MAMDC2: variants seen among roughly 807,000 people sequenced by gnomAD.
The protein encoded by MAMDC2 is MAM domain containing 2, also known as MAM domain-containing protein 2.
MAMDC2 carries 57 observed loss-of-function variants against 89.8 expected under a neutral mutation model. That is an observed-to-expected ratio of 0.63 (90% confidence interval 0.51 to 0.79). The LOEUF (loss-of-function observed/expected upper bound fraction) is 0.79, where lower values mean the gene tolerates loss of function less well. MAMDC2 is among the 30% of genes least tolerant of loss of function. The pLI is 0.00. For synonymous variants in MAMDC2, 313 were observed against 293.4 expected, an observed-to-expected ratio of 1.07 and a Z score of -0.68; for missense variants, 800 against 820.6, an observed-to-expected ratio of 0.97 and a Z score of 0.31.
chr9:70,096,461 G>A (rs368805488), intron 2 of MAMDC2, among the ~76,000 whole-genome samples: 1 of 152,220 alleles, frequency 6.6e-6, no homozygotes, highest in Non-Finnish European at 1.5e-5. Context: ...GGAAAGGAGA[G>A]GACAAAAGAA....
At chr9:70,117,520 T>C (rs1162382744) in intron 5 of MAMDC2, among the ~76,000 whole-genome samples, 1 of 152,088 alleles carries the variant, frequency 6.6e-6, no homozygotes. Flanking sequence ...GATGGGTTGA[T>C]GGGTGCAGCA....
intron 11 of MAMDC2, among the ~76,000 whole-genome samples, chr9:70,192,603 A>G (rs1001409067): frequency 6.6e-6 from 1 of 152,136 alleles, no homozygotes; most frequent in East Asian, 1.9e-4. Context: ...CTAAGAGACC[A>G]TGGAATTTTC....
chr9:70,210,475 C>T (rs1024526388), intron 11 of MAMDC2, among the ~76,000 whole-genome samples: 2 of 152,034 alleles, frequency 1.3e-5, no homozygotes, highest in African/African-American at 4.8e-5. Flanking sequence ...TTCTTGTTTT[C>T]CATTTGCTTG....
chr9:70,150,735 C>T (rs548203367), intron 9 of MAMDC2, among the ~76,000 whole-genome samples: 1 of 152,316 alleles, frequency 6.6e-6, no homozygotes, highest in South Asian at 2.1e-4. Context: ...ATGTCTACTT[C>T]TCTCTCTCCA....
chr9:70,213,143 A>C (rs1377367528), intron 11 of MAMDC2, among the ~76,000 whole-genome samples: 1 of 152,210 alleles, frequency 6.6e-6, no homozygotes, highest in Non-Finnish European at 1.5e-5. Flanking sequence ...TACCAGTAGG[A>C]ATGCACAGCC....
At chr9:70,130,039 TGTGTGTGAGA>T (rs1563967368) in intron 6 of MAMDC2, among the ~76,000 whole-genome samples, 1 of 151,488 alleles carries the variant, frequency 6.6e-6, no homozygotes, top group East Asian at 1.9e-4. Context: ...TGTGTGTGTG[TGTGTGTGAGA>T]GTGTCTGCAT....
intron 2 of MAMDC2, among the ~76,000 whole-genome samples, chr9:70,061,201 C>T (rs1827142817): frequency 6.6e-6 from 1 of 152,190 alleles, no homozygotes; most frequent in African/African-American, 2.4e-5. Flanking sequence ...TGGGCCCCTA[C>T]AATTTTTGCA....
intron 2 of MAMDC2, among the ~76,000 whole-genome samples, chr9:70,103,319 A>G (rs1162947308): frequency 6.6e-6 from 1 of 152,198 alleles, no homozygotes; most frequent in African/African-American, 2.4e-5. Context: ...CGGAGGTCTC[A>G]TACTTCCCAA....
Position 70,226,404 on chromosome 9 carries a change from G to C in MAMDC2, c.*372G>C, listed in dbSNP as rs1195200409. ...ATGTATTGGGAGAAAAATAGGTCTT[G>C]CAGGTTTCCTTTTGAATTTTAAGTA... On this transcript the variant is annotated 3_prime_UTR_variant, in exon 14 of 14. Transcript: ENST00000377182. 1 of 154,970 alleles carries C rather than the reference G, an allele frequency of 6.5e-6. No individual in the cohort carries two copies. Among genetic ancestry groups the C allele is most frequent in the Non-Finnish European group, 1.4e-5 (1 of 69,656 alleles). The allele number at this position is 154,970 out of a possible 1,614,324, so 9.6% of individuals were successfully genotyped here.
chr9:70,221,112 T>C (rs1219244258), intron 12 of MAMDC2, among the ~76,000 whole-genome samples: 3 of 151,602 alleles, frequency 2.0e-5, no homozygotes, highest in Non-Finnish European at 4.4e-5. Context: ...TTTACTATTC[T>C]AGGTGCTGAA....
chr9:70,113,014 T>A lies in MAMDC2; in HGVS notation c.525T>A (p.Asn175Lys), dbSNP rs1247286787. The part of the protein sequence containing the change: ...GYCIECDFEE[N>K]HLCGFVNRWN... ...CCCCAGAATGTGACTTTGAAGAAAA[T>A]CATCTCTGTGGCTTTGTGAACCGCT... Residue 175 changes from asparagine (N) to lysine (K), a missense_variant, in exon 5 of 14, where the codon AAT becomes AAA. Coordinates refer to ENST00000377182, the MANE Select transcript of MAMDC2 (RefSeq NM_153267.5). 1.2e-6 allele frequency: 2 copies of A among 1,613,966 alleles called. No individual in the cohort carries two copies. Among genetic ancestry groups the A allele is most frequent in the Admixed American group, 3.3e-5 (2 of 60,002 alleles).
intron 2 of MAMDC2, among the ~76,000 whole-genome samples, chr9:70,089,715 T>C (rs1020558176): frequency 1.3e-5 from 2 of 152,196 alleles, no homozygotes; most frequent in Non-Finnish European, 2.9e-5. Context: ...AGGCTAGCTT[T>C]AGGTCCAAAT....
In MAMDC2 at chr9:70,224,844, C is replaced by T. The variant is rs149242630; in HGVS notation, c.1912-906C>T. ...ATTTTTATTAAGAGTATTTTGCCACCAGTCTGTCACTGAAGCATCTTTGAA... is the reference window on the plus strand; with the variant it reads ...ATTTTTATTAAGAGTATTTTGCCACTAGTCTGTCACTGAAGCATCTTTGAA... On this transcript the variant is annotated intron_variant, in intron 12 of 13. Transcript: ENST00000377182. Among the ~76,000 whole-genome samples the T allele has an allele frequency of 3.5e-3, 527 of 152,322 alleles. 1 individual carries two copies. Among genetic ancestry groups the T allele is most frequent in the Non-Finnish European group, 5.7e-3 (390 of 68,030 alleles).
chr9:70,121,718 A>C (rs201815230), intron 5 of MAMDC2, among the ~76,000 whole-genome samples: 25 of 4,876 alleles, frequency 5.1e-3, no homozygotes, highest in Non-Finnish European at 0.012. Context: ...CTGACAAAGG[A>C]AAAAAAAAAA....
Position 70,176,684 on chromosome 9 carries a change from CT to C in MAMDC2, c.1651+6057del, listed in dbSNP as rs1438423438. Among the ~76,000 whole-genome samples the C allele has an allele frequency of 3.3e-5, 5 of 152,282 alleles. No individual in the cohort carries two copies. The East Asian group carries it at 9.6e-4, about 29-fold the overall frequency. On this transcript the variant is annotated intron_variant, in intron 11 of 13. Transcript: ENST00000377182. ...ACACCTTCCACTTTTCTAACTAACT[CT>C]TTTACCACTTATATCTTTTTATTCC...
At chr9:70,065,419 A>G (rs1389218883) in intron 2 of MAMDC2, among the ~76,000 whole-genome samples, 1 of 152,132 alleles carries the variant, frequency 6.6e-6, no homozygotes, top group African/African-American at 2.4e-5. Context: ...GGTAGTTTAA[A>G]ATAGTATTTT....
intron 9 of MAMDC2, among the ~76,000 whole-genome samples, chr9:70,149,830 C>A (rs1477449086): frequency 6.6e-6 from 1 of 152,122 alleles, no homozygotes; most frequent in Admixed American, 6.5e-5. Context: ...TAAGAAAGAC[C>A]GTGTATTTCA....
intron 11 of MAMDC2, among the ~76,000 whole-genome samples, chr9:70,204,705 G>A (rs1008157247): frequency 1.3e-5 from 2 of 151,554 alleles, no homozygotes; most frequent in African/African-American, 2.4e-5. Context: ...AGCAATCAGC[G>A]AGATTCCGTG....
chr9:70,184,988 G>A (rs2032720543), intron 11 of MAMDC2, among the ~76,000 whole-genome samples: 1 of 152,278 alleles, frequency 6.6e-6, no homozygotes, highest in East Asian at 1.9e-4. Context: ...CAGCATTTTT[G>A]TGCTGGTTTT....
Sources: gnomAD v4.1 joint callset for allele counts (sites outside exome capture counted in the v4.1 genomes callset) on GRCh38, gnomAD v4.1.1 for gene constraint, MANE v1.5 for transcripts, NCBI Gene and HGNC (gene_info 2026-07-23, HGNC 2026-07-21) for gene names.